The following SPATS2L variants were observed in gnomAD, a reference collection of about 807,000 sequenced individuals.
The protein encoded by SPATS2L is spermatogenesis associated serine rich 2 like.
In SPATS2L, 30 loss-of-function variants were observed where a neutral mutation model predicts 59.6. The observed-to-expected ratio is 0.50, with a 90% confidence interval of 0.38 to 0.68. SPATS2L has a LOEUF of 0.68. Among genes scored for constraint, SPATS2L ranks in the 30% least tolerant of loss-of-function variants. SPATS2L has a pLI of 0.00. For synonymous variants in SPATS2L, 252 were observed against 263.5 expected, an observed-to-expected ratio of 0.96 and a Z score of 0.42; for missense variants, 615 against 700.0, an observed-to-expected ratio of 0.88 and a Z score of 1.37.
At chr2:200,441,359 A>C (rs2084686082) in intron 8 of SPATS2L, among the ~76,000 whole-genome samples, 1 of 152,200 alleles carries the variant, frequency 6.6e-6, no homozygotes, top group Non-Finnish European at 1.5e-5. Flanking sequence ...AATTGAAATG[A>C]TATATCTGTT....
intron 2 of SPATS2L, among the ~76,000 whole-genome samples, chr2:200,365,236 G>A (rs757761142): frequency 6.6e-6 from 1 of 152,202 alleles, no homozygotes; most frequent in Non-Finnish European, 1.5e-5. Context: ...AAATCACTGC[G>A]AAATACATAT....
chr2:200,379,264 G>C (rs771304061), intron 2 of SPATS2L, among the ~76,000 whole-genome samples: 3 of 152,208 alleles, frequency 2.0e-5, no homozygotes, highest in Non-Finnish European at 4.4e-5. Context: ...TTAGTGAGTA[G>C]CTTACCTCTC....
chr2:200,352,386 G>A (rs939536151), intron 2 of SPATS2L, among the ~76,000 whole-genome samples: 2 of 123,002 alleles, frequency 1.6e-5, no homozygotes, highest in East Asian at 2.2e-4. Flanking sequence ...AAACAAGCTC[G>A]ATTTTCTCTC....
rs367839158 is a variant in SPATS2L at position 200,356,329 on chromosome 2, T to C, written c.-23+26849T>C. ...ATAATAATGATGGCACTAAACAGAT[T>C]TGTCTCACTGGCAATGAACATACAA... On this transcript the variant is annotated intron_variant, in intron 2 of 12. Transcript: ENST00000409140. 7.9e-5 allele frequency among the ~76,000 whole-genome samples: 12 copies of C among 152,314 alleles called. No homozygotes were observed. In the East Asian group the frequency reaches 2.1e-3, roughly 27 times the overall value.
At chr2:200,428,600 G>C (rs1340074847) in intron 6 of SPATS2L, among the ~76,000 whole-genome samples, 2 of 152,138 alleles carry the variant, frequency 1.3e-5, no homozygotes, top group Non-Finnish European at 2.9e-5. Context: ...CATCTTCCTA[G>C]TTCTGGCTAC....
chr2:200,351,165 C>T, intron 2 of SPATS2L: 1 of 462,400 alleles, frequency 2.2e-6, no homozygotes, highest in Non-Finnish European at 4.5e-6. Context: ...AGTGCGAACT[C>T]TGAGGGAGAA....
At chr2:200,401,754 C>G (rs1448927332) in intron 3 of SPATS2L, among the ~76,000 whole-genome samples, 2 of 152,068 alleles carry the variant, frequency 1.3e-5, no homozygotes, top group African/African-American at 4.8e-5. Flanking sequence ...TGGAGTGGGG[C>G]TCAGGTTTAG....
intron 8 of SPATS2L, among the ~76,000 whole-genome samples, chr2:200,459,289 A>G (rs1425676039): frequency 6.6e-6 from 1 of 152,212 alleles, no homozygotes; most frequent in Non-Finnish European, 1.5e-5. Flanking sequence ...GGCCCAGACC[A>G]TATTTCTCAA....
At chr2:200,441,032 T>C (rs1053990138) in intron 8 of SPATS2L, among the ~76,000 whole-genome samples, 2 of 152,182 alleles carry the variant, frequency 1.3e-5, no homozygotes, top group Admixed American at 1.3e-4. Flanking sequence ...AAACTATGAA[T>C]GATGTAAAAC....
chr2:200,461,380 C>G (rs1370687210), intron 9 of SPATS2L: 5 of 152,094 alleles, frequency 3.3e-5, no homozygotes, highest in Non-Finnish European at 7.4e-5. Context: ...ATTTCTAAAC[C>G]TTTCCACTGT....
At chr2:200,391,248 A>G (rs532977403) in intron 3 of SPATS2L, among the ~76,000 whole-genome samples, 4 of 152,326 alleles carry the variant, frequency 2.6e-5, no homozygotes, top group Admixed American at 2.6e-4. Flanking sequence ...ATATCCAATT[A>G]CATTTGTTGC....
intron 10 of SPATS2L, 80 bp from the exon 11 acceptor site, chr2:200,469,834 A>G: frequency 2.9e-6 from 3 of 1,051,652 alleles, no homozygotes; most frequent in Non-Finnish European, 2.8e-6. Context: ...ACACCGGAAG[A>G]GCAGAGTGAA....
chr2:200,369,724 A>C (rs2081370754), intron 2 of SPATS2L, among the ~76,000 whole-genome samples: 1 of 152,228 alleles, frequency 6.6e-6, no homozygotes, highest in Non-Finnish European at 1.5e-5. Context: ...TGGTGACAGA[A>C]TAATCCAGAT....
At chr2:200,383,805 T>C in intron 2 of SPATS2L, 1 of 867,998 alleles carries the variant, frequency 1.2e-6, no homozygotes, top group Non-Finnish European at 1.4e-6. Context: ...ACCTTGAAAA[T>C]TTTGTTAAAA....
intron 8 of SPATS2L, among the ~76,000 whole-genome samples, chr2:200,451,083 C>A (rs1446444892): frequency 6.6e-6 from 1 of 152,124 alleles, no homozygotes; most frequent in Non-Finnish European, 1.5e-5. Context: ...CTTTGGGAGG[C>A]CAAGGTAGGA....
chr2:200,314,406 A>T (rs1026841203), intron 1 of SPATS2L, among the ~76,000 whole-genome samples: 1 of 152,174 alleles, frequency 6.6e-6, no homozygotes, highest in Admixed American at 6.5e-5. Flanking sequence ...GGATTATTGC[A>T]GTAGCCTCGC....
chr2:200,465,942 G>A (rs1442229871), intron 9 of SPATS2L, among the ~76,000 whole-genome samples: 1 of 152,224 alleles, frequency 6.6e-6, no homozygotes, highest in Non-Finnish European at 1.5e-5. Context: ...TGACGCAGGA[G>A]AATGGTGTGA....
At chr2:200,327,339 G>C in intron 1 of SPATS2L, among the ~76,000 whole-genome samples, 1 of 152,046 alleles carries the variant, frequency 6.6e-6, no homozygotes, top group Non-Finnish European at 1.5e-5. Context: ...GGGAGGCGGA[G>C]GTTGCAGTGA....
rs984279662 is a variant in SPATS2L at position 200,389,230 on chromosome 2, T to G, written c.-15T>G. On this transcript the variant is annotated 5_prime_UTR_variant, in exon 3 of 13. The change creates a new upstream start codon in the 5' untranslated region. Coordinates refer to ENST00000409140, the MANE Select transcript of SPATS2L (RefSeq NM_001100423.2). The stretch of plus-strand genomic sequence containing the variant: ...TGTTTTCCTTCTTTATAGGGCCTAT[T>G]CCACTAGAAGCAAGATGGCTGAACT... The G allele has an allele frequency of 3.2e-6, 5 of 1,571,960 alleles. No homozygotes were observed. In the Admixed American group the frequency reaches 9.1e-5, roughly 29 times the overall value.
Sources: allele counts gnomAD v4.1 joint callset (sites outside exome capture counted in the v4.1 genomes callset), GRCh38; gene constraint gnomAD v4.1.1; transcripts MANE v1.5; gene names NCBI Gene and HGNC (gene_info 2026-07-23, HGNC 2026-07-21).